Variants in CAD observed in about 807,000 individuals in gnomAD.
CAD encodes the protein multifunctional protein CAD.
In CAD, 81 loss-of-function variants were observed where a neutral mutation model predicts 237.2. That is an observed-to-expected ratio of 0.34 (90% CI 0.29 to 0.41). CAD has a LOEUF of 0.41. CAD is among the 10% of genes least tolerant of loss of function. The pLI is 1.00. For missense variants in CAD, 2,181 were observed against 2,951.7 expected, an observed-to-expected ratio of 0.74 and a Z score of 6.05; for synonymous variants, 1,196 against 1,162.8, an observed-to-expected ratio of 1.03 and a Z score of -0.58.
chr2:27,234,815 TG>T, intron 23 of CAD, 130 bp downstream of exon 23: 4 of 868,402 alleles, frequency 4.6e-6, no homozygotes, highest in Non-Finnish European at 7.1e-6. Context: ...GGTAATGAGG[TG>T]GTCATTGTCC....
In CAD at chr2:27,240,846, G is replaced by A. The variant is rs1334554171; in HGVS notation, c.5594-65G>A. ...ATACACTGTGATTCAGAGTTCCTGG[G>A]AATATGGGGTTTCTTTCCAAACCTC... On this transcript the variant is annotated intron_variant, in intron 35 of 43. Coordinates refer to ENST00000264705, the MANE Select transcript of CAD (RefSeq NM_004341.5). The surrounding 1 kb of genome is among the most constrained non-coding windows in gnomAD (Gnocchi z 4.6). 6.5e-7 allele frequency: 1 copy of A among 1,549,338 alleles called. No homozygotes were observed. The highest frequency in any genetic ancestry group is 8.9e-7 in the Non-Finnish European group (1 of 1,122,300).
rs180996498 is a variant in CAD at position 27,230,754 on chromosome 2, T to A, written c.2288-714T>A. The stretch of plus-strand genomic sequence containing the variant: ...CATCTTCCTATTATCTACACTTTTT[T>A]AAAAAGTTTTAAAGAATTCCAGTTG... On this transcript the variant is annotated intron_variant, in intron 15 of 43. Transcript: ENST00000264705. 2.3e-4 allele frequency among the ~76,000 whole-genome samples: 35 copies of A among 152,372 alleles called. No individual in the cohort carries two copies. In the East Asian group the frequency reaches 3.1e-3, roughly 13 times the overall value.
chr2:27,225,309 T>C (rs1190880023), intron 11 of CAD, 66 bp downstream of exon 11: 57 of 946,802 alleles, frequency 6.0e-5, no homozygotes, highest in South Asian at 4.7e-4. Flanking sequence ...TTTTCTTTTT[T>C]TTTTTTTTTT....
chr2:27,217,870 C>A lies in CAD; in HGVS notation c.83-7C>A. 1 of 1,596,040 alleles carries A rather than the reference C, an allele frequency of 6.3e-7. No homozygotes were observed. The highest frequency in any genetic ancestry group is 2.2e-5 in the East Asian group (1 of 44,512). ...TACCGGAGCCCAGCCCTGCTTCTTT[C>A]TTGCAGTGTTTCAAACCGGCATGGT... is the stretch of plus-strand genomic sequence containing the variant. On this transcript the variant is annotated splice_region_variant and splice_polypyrimidine_tract_variant and intron_variant, in intron 1 of 43. Transcript: ENST00000264705.
Position 27,232,954 on chromosome 2 carries a change from G to A in CAD, c.2893-88G>A, listed in dbSNP as rs1235538918. ...GGAAGCTGTGCTGGCAGTCTCTGAA[G>A]TAGGGGCTTTGGCTTAGTTTCTCCA... is the stretch of plus-strand genomic sequence containing the variant. On this transcript the variant is annotated intron_variant, in intron 18 of 43. Transcript: ENST00000264705. The surrounding 1 kb of genome is among the most constrained non-coding windows in gnomAD (Gnocchi z 4.1). The A allele has an allele frequency of 1.1e-6, 1 of 944,544 alleles. No individual in the cohort carries two copies. Among genetic ancestry groups the A allele is most frequent in the Non-Finnish European group, 1.7e-6 (1 of 578,742 alleles). 58.5% of individuals were successfully genotyped at this position (944,544 alleles called of 1,614,324 possible).
In CAD at chr2:27,224,994, C is replaced by T; in HGVS notation, c.1387-16C>T. 4 of 1,606,760 alleles carry T rather than the reference C, an allele frequency of 2.5e-6. No individual in the cohort carries two copies. Among genetic ancestry groups the T allele is most frequent in the Non-Finnish European group, 3.4e-6 (4 of 1,173,954 alleles). ...CACAAGGTTCTGATGCCTGTAACTC[C>T]CCTCTCCATCCTCAGGTGATACGTA... On this transcript the variant is annotated splice_polypyrimidine_tract_variant and intron_variant, in intron 10 of 43. Coordinates refer to ENST00000264705, the MANE Select transcript of CAD (RefSeq NM_004341.5).
rs140565850 is a variant in CAD, at chr2:27,238,575, G to A, written c.5005G>A (p.Asp1669Asn). The A allele has an allele frequency of 6.2e-7, 1 of 1,613,950 alleles. No homozygotes were observed. Among genetic ancestry groups the A allele is most frequent in the Non-Finnish European group, 8.5e-7 (1 of 1,180,020 alleles). Residue 1669 changes from aspartate (D) to asparagine (N), a missense_variant, in exon 31 of 44, where the codon GAT becomes AAT. Asp to Asn is a conservative substitution (Grantham distance 23, BLOSUM62 1). Around this residue, in one of 12 missense-constraint regions of CAD, gnomAD observed 478 missense variants for 515.0 expected, o/e 0.93. Coordinates refer to ENST00000264705, the MANE Select transcript of CAD (RefSeq NM_004341.5). ...CCGGCCTGAGCTTGGCTCCCGCCAG[G>A]ATGTGGAAGCCCTGTGGGAGAACAT... ...EVRPELGSRQ[D>N]VEALWENMAV... is the part of the protein sequence containing the mutation.
rs143086479 is a variant in CAD, at chr2:27,229,621, T to C, written c.2288-1847T>C. 3.4e-3 allele frequency among the ~76,000 whole-genome samples: 523 copies of C among 152,216 alleles called. 4 individuals carry two copies. The highest frequency in any genetic ancestry group is 0.01 in the African/African-American group (425 of 41,542). On this transcript the variant is annotated intron_variant, in intron 15 of 43. Coordinates refer to ENST00000264705, the MANE Select transcript of CAD (RefSeq NM_004341.5). ...GGCCGGGCGCGGTGGCTCATGCCTG[T>C]AATCCCAGCACATTGGGAGGGTGAG...
In CAD at chr2:27,242,828, C is replaced by G; in HGVS notation, c.6379-44C>G. 5 of 1,613,376 alleles carry G rather than the reference C, an allele frequency of 3.1e-6. No individual in the cohort carries two copies. Among genetic ancestry groups the G allele is most frequent in the Non-Finnish European group, 3.4e-6 (4 of 1,179,294 alleles). ...GCCATGGAGATGTGGGTTGGGCAGT[C>G]AGAGCCCAGCGCTGCATCCACCATG... On this transcript the variant is annotated intron_variant, in intron 41 of 43. Transcript: ENST00000264705. This position sits in a 1 kb window ranked among gnomAD's most constrained non-coding sequence, Gnocchi z 6.4.
At position 27,237,642 on chromosome 2, in the gene CAD, GC is replaced by G; in HGVS notation, c.4564-73del. The stretch of plus-strand genomic sequence containing the variant: ...CTTTTCCTTCTGCCCCGCCCTATGG[GC>G]CCAGGCCACTGGTGCCAGGCTAGCC... On this transcript the variant is annotated intron_variant, in intron 28 of 43. Coordinates refer to ENST00000264705, the MANE Select transcript of CAD (RefSeq NM_004341.5). This position sits in a 1 kb window ranked among gnomAD's most constrained non-coding sequence, Gnocchi z 4.0. 1.9e-6 allele frequency: 3 copies of G among 1,574,742 alleles called. No individual in the cohort carries two copies. The highest frequency in any genetic ancestry group is 2.6e-6 in the Non-Finnish European group (3 of 1,158,024).
Position 27,242,174 on chromosome 2 carries a change from G to A in CAD, c.6096+51G>A, listed in dbSNP as rs369246319. 5 of 1,597,628 alleles carry A rather than the reference G, an allele frequency of 3.1e-6. No homozygotes were observed. In the East Asian group the frequency reaches 6.7e-5, roughly 22 times the overall value. ...GGGGTTAAGAAGGCTGGACCCAGGGGCATGAGAACCCTTCTGCCCACGTTT... is the reference window on the plus strand; with the variant it reads ...GGGGTTAAGAAGGCTGGACCCAGGGACATGAGAACCCTTCTGCCCACGTTT... On this transcript the variant is annotated intron_variant, in intron 39 of 43. Transcript: ENST00000264705. The surrounding 1 kb of genome is among the most constrained non-coding windows in gnomAD (Gnocchi z 6.4).
chr2:27,229,014 G>A lies in CAD; in HGVS notation c.2287+2052G>A, dbSNP rs111453978. On this transcript the variant is annotated intron_variant, in intron 15 of 43. Coordinates refer to ENST00000264705, the MANE Select transcript of CAD (RefSeq NM_004341.5). Reference sequence around the variant, plus strand: ...GCTCACTGCAACCTCTGCCTCCCAGGTTCAAGCGATTCACCTGCCTCAGCC... The same window carrying A: ...GCTCACTGCAACCTCTGCCTCCCAGATTCAAGCGATTCACCTGCCTCAGCC... 6.2e-3 allele frequency among the ~76,000 whole-genome samples: 935 copies of A among 150,950 alleles called. 8 individuals are homozygous for A. Among genetic ancestry groups the A allele is most frequent in the Middle Eastern group, 0.017 (5 of 294 alleles).
chr2:27,222,429 G>T (rs1002628218), intron 4 of CAD, 90 bp from the exon 5 acceptor site: 9 of 1,570,534 alleles, frequency 5.7e-6, no homozygotes, highest in Non-Finnish European at 7.8e-6. Flanking sequence ...AGAATCAAAG[G>T]AGGCTTTGAA....
At chr2:27,231,675 A>T in intron 16 of CAD, 95 bp downstream of exon 16, 1 of 775,776 alleles carries the variant, frequency 1.3e-6, no homozygotes, top group Non-Finnish European at 2.2e-6. Context: ...CACTAGCAGC[A>T]GTCATCATTG....
chr2:27,224,287 G>A (rs1277343988), intron 8 of CAD, 58 bp from the exon 9 acceptor site: 2 of 1,594,634 alleles, frequency 1.3e-6, no homozygotes, highest in African/African-American at 1.3e-5. Context: ...AGCTAATCCA[G>A]TTGACCTCTT....
rs745491188 is a variant in CAD at position 27,225,929 on chromosome 2, G to T, written c.1842+3G>T. Reference sequence around the variant, plus strand: ...ACGCCTATGGCAACTGTGTCACGGTGAGTGAATGGGGGAAGGGTGGGCGTC... The same window carrying T: ...ACGCCTATGGCAACTGTGTCACGGTTAGTGAATGGGGGAAGGGTGGGCGTC... On this transcript the variant is annotated splice_donor_region_variant and intron_variant, in intron 12 of 43. Transcript: ENST00000264705. 2 of 1,612,128 alleles carry T rather than the reference G, an allele frequency of 1.2e-6. No homozygotes were observed. Among genetic ancestry groups the T allele is most frequent in the Non-Finnish European group, 1.7e-6 (2 of 1,178,120 alleles).
Position 27,232,073 on chromosome 2 carries a change from A to G in CAD, c.2494A>G (p.Ile832Val), listed in dbSNP as rs1675788162. 6.2e-7 allele frequency: 1 copy of G among 1,614,130 alleles called. No individual in the cohort carries two copies. Among genetic ancestry groups the G allele is most frequent in the Non-Finnish European group, 8.5e-7 (1 of 1,180,056 alleles). Residue 832 changes from isoleucine (I) to valine (V), a missense_variant, in exon 17 of 44, where the codon ATC (isoleucine) becomes GTC (valine). Physicochemically the swap from Ile to Val is conservative, Grantham distance 29. Coordinates refer to ENST00000264705, the MANE Select transcript of CAD (RefSeq NM_004341.5). This position sits in a 1 kb window ranked among gnomAD's most constrained non-coding sequence, Gnocchi z 4.1. ...SVDRLYELTR[I>V]DRWFLHRMKR... ...GGACCGCCTGTATGAGCTCACACGC[A>G]TCGACCGCTGGTTCCTGCACCGAAT...
Position 27,233,194 on chromosome 2 carries a change from A to G in CAD, c.2991+54A>G. ...TTGAGTGGCCAGGGTCGAGTAGAACAGCTGGCTGACCTAAGATTCTTTGAA... is the reference window on the plus strand; with the variant it reads ...TTGAGTGGCCAGGGTCGAGTAGAACGGCTGGCTGACCTAAGATTCTTTGAA... On this transcript the variant is annotated intron_variant, in intron 19 of 43. Coordinates refer to ENST00000264705, the MANE Select transcript of CAD (RefSeq NM_004341.5). The surrounding 1 kb of genome is among the most constrained non-coding windows in gnomAD (Gnocchi z 6.3). The G allele has an allele frequency of 6.6e-7, 1 of 1,511,946 alleles. No homozygotes were observed. The highest frequency in any genetic ancestry group is 9.2e-7 in the Non-Finnish European group (1 of 1,087,588). 93.7% of individuals were successfully genotyped at this position (1,511,946 alleles called of 1,614,324 possible).
chr2:27,234,299 G>A, intron 22 of CAD, 73 bp downstream of exon 22: 1 of 1,384,476 alleles, frequency 7.2e-7, no homozygotes, highest in Admixed American at 1.7e-5. Context: ...GTGCCATGAA[G>A]CCCTGCACTG....
Sources: allele counts gnomAD v4.1 joint callset (sites outside exome capture counted in the v4.1 genomes callset), GRCh38; gene constraint gnomAD v4.1.1; regional missense constraint gnomAD v4.1.1; non-coding constraint Gnocchi (gnomAD v3.1); transcripts MANE v1.5; gene names NCBI Gene and HGNC (gene_info 2026-07-23, HGNC 2026-07-21).